The following JAKMIP2 variants were observed in gnomAD, a reference collection of about 807,000 sequenced individuals.
JAKMIP2 encodes the protein janus kinase and microtubule-interacting protein 2.
In JAKMIP2, 25 loss-of-function variants were observed where a neutral mutation model predicts 115.0. The ratio of observed to expected loss-of-function variants is 0.22; its 90% CI spans 0.16 to 0.30. JAKMIP2 has a LOEUF of 0.30. JAKMIP2 is among the 10% of genes least tolerant of loss of function. JAKMIP2 has a pLI of 1.00. For missense variants in JAKMIP2, 642 were observed against 957.6 expected (o/e 0.67, Z 4.35); for synonymous variants, 334 against 343.6 (o/e 0.97, Z 0.31).
At chr5:147,635,716 C>A (rs1757582084) in intron 12 of JAKMIP2, among the ~76,000 whole-genome samples, 1 of 152,132 alleles carries the variant, frequency 6.6e-6, no homozygotes, top group South Asian at 2.1e-4. Flanking sequence ...CATGTGCCAC[C>A]ACATCTGCCT....
chr5:147,653,790 C>T (rs7709287), intron 3 of JAKMIP2, among the ~76,000 whole-genome samples: 38,391 of 152,054 alleles, frequency 0.25, 6,122 homozygotes, highest in East Asian at 0.46. Flanking sequence ...TTGCCCATGC[C>T]TATGTCCTGA....
intron 1 of JAKMIP2, among the ~76,000 whole-genome samples, chr5:147,773,682 G>C (rs1561587633): frequency 2.0e-5 from 3 of 152,136 alleles, no homozygotes; most frequent in Admixed American, 6.6e-5. Context: ...AAGAGTGTTA[G>C]TATGAATCAG....
chr5:147,691,657 C>A (rs749000636), intron 1 of JAKMIP2, among the ~76,000 whole-genome samples: 1 of 152,160 alleles, frequency 6.6e-6, no homozygotes, highest in African/African-American at 2.4e-5. Context: ...TTCTTTACCA[C>A]ATAGACTTTC....
chr5:147,687,608 T>G (rs17107200), intron 1 of JAKMIP2, among the ~76,000 whole-genome samples: 16,545 of 152,240 alleles, frequency 0.11, 944 homozygotes, highest in Middle Eastern at 0.17. Flanking sequence ...AGCTTGGAGT[T>G]GCAGGTAACA....
chr5:147,644,254 T>G, intron 6 of JAKMIP2, 56 bp from the exon 7 acceptor site: 2 of 1,429,078 alleles, frequency 1.4e-6, no homozygotes, highest in Non-Finnish European at 1.9e-6. Context: ...CAAACTTTGG[T>G]TGTTAACATA....
At chr5:147,708,899 C>T (rs1306971912) in intron 1 of JAKMIP2, among the ~76,000 whole-genome samples, 1 of 152,186 alleles carries the variant, frequency 6.6e-6, no homozygotes, top group African/African-American at 2.4e-5. Flanking sequence ...CATTACACAC[C>T]ATGGCAAGTT....
intron 21 of JAKMIP2, among the ~76,000 whole-genome samples, chr5:147,593,778 A>G (rs1281795292): frequency 6.6e-6 from 1 of 152,210 alleles, no homozygotes; most frequent in Non-Finnish European, 1.5e-5. Flanking sequence ...TTTACATTCC[A>G]CTGGGATGAG....
rs899851027 is a variant in JAKMIP2, at chr5:147,590,179, A to G, written c.*1528T>C. The G allele has an allele frequency of 6.6e-6, 1 of 152,220 alleles. No individual in the cohort carries two copies. The highest frequency in any genetic ancestry group is 1.5e-5 in the Non-Finnish European group (1 of 68,054). 9.4% of individuals were successfully genotyped at this position (152,220 alleles called of 1,614,324 possible). A position where few individuals can be genotyped will look rare whatever the true frequency, so the allele number is the denominator to read the frequency against. ...AACTGAAGGATGATAGTGAACCCAC[A>G]TATGGAAAGATTTGTATAGCATTTC... On this transcript the variant is annotated 3_prime_UTR_variant, in exon 22 of 22. Transcript: ENST00000616793.
chr5:147,715,477 T>C (rs1580822405), intron 1 of JAKMIP2, among the ~76,000 whole-genome samples: 1 of 151,018 alleles, frequency 6.6e-6, no homozygotes, highest in African/African-American at 2.4e-5. Context: ...ATATTCATGT[T>C]ACTATATTAT....
intron 5 of JAKMIP2, among the ~76,000 whole-genome samples, chr5:147,647,854 C>A (rs1252595300): frequency 6.6e-6 from 1 of 152,108 alleles, no homozygotes; most frequent in Non-Finnish European, 1.5e-5. Context: ...CATGTAGAAG[C>A]ACTGTTCTTC....
intron 17 of JAKMIP2, among the ~76,000 whole-genome samples, chr5:147,623,224 C>CTTT (rs199676287): frequency 0.046 from 6,330 of 138,670 alleles, 485 homozygotes; most frequent in African/African-American, 0.16. Context: ...TTGTTCTACT[C>CTTT]TTTTTTTTTT....
intron 1 of JAKMIP2, among the ~76,000 whole-genome samples, chr5:147,681,097 A>G (rs1760242723): frequency 6.6e-6 from 1 of 152,198 alleles, no homozygotes; most frequent in Non-Finnish European, 1.5e-5. Flanking sequence ...AAAGAATGCT[A>G]TATAAATATA....
chr5:147,638,491 C>T (rs1757726755), intron 10 of JAKMIP2, among the ~76,000 whole-genome samples: 1 of 152,202 alleles, frequency 6.6e-6, no homozygotes. Flanking sequence ...AGGCACATTC[C>T]TTTGTAATGA....
At chr5:147,628,941 A>G in intron 15 of JAKMIP2, 125 bp from the exon 16 acceptor site, 1 of 618,822 alleles carries the variant, frequency 1.6e-6, no homozygotes, top group African/African-American at 1.8e-5. Context: ...ACAAATTCCT[A>G]TTCTGTTTAG....
intron 1 of JAKMIP2, among the ~76,000 whole-genome samples, chr5:147,736,023 A>G (rs1337165501): frequency 6.6e-6 from 1 of 151,834 alleles, no homozygotes; most frequent in Non-Finnish European, 1.5e-5. Context: ...CAGATTAAAT[A>G]AGGCAATGCC....
At chr5:147,632,466 T>C (rs923607405) in intron 13 of JAKMIP2, among the ~76,000 whole-genome samples, 52 of 152,176 alleles carry the variant, frequency 3.4e-4, no homozygotes, top group African/African-American at 1.3e-3. Flanking sequence ...GTAGACAGTT[T>C]TGAGTTGCAT....
intron 1 of JAKMIP2, among the ~76,000 whole-genome samples, chr5:147,741,054 C>A (rs1436657793): frequency 6.6e-6 from 1 of 152,156 alleles, no homozygotes; most frequent in Non-Finnish European, 1.5e-5. Context: ...GTACAGAGAT[C>A]ATCCCTGTCC....
At chr5:147,710,398 G>A (rs1752732883) in intron 1 of JAKMIP2, among the ~76,000 whole-genome samples, 1 of 152,092 alleles carries the variant, frequency 6.6e-6, no homozygotes, top group Non-Finnish European at 1.5e-5. Flanking sequence ...CTAAAATCAG[G>A]AGGTATAAAT....
Position 147,662,418 on chromosome 5 carries a change from T to C in JAKMIP2, c.130-973A>G, listed in dbSNP as rs374653457. The stretch of plus-strand genomic sequence containing the variant: ...CAGGAATTCCGGTTTAAAACTATTC[T>C]ATGTTTTGCTAAATTTCCTGTGATA... On this transcript the variant is annotated intron_variant, in intron 2 of 21. Coordinates refer to ENST00000616793, the MANE Select transcript of JAKMIP2 (RefSeq NM_001270941.2). 1.7e-3 allele frequency among the ~76,000 whole-genome samples: 257 copies of C among 152,318 alleles called. 1 individual carries two copies. Among genetic ancestry groups the C allele is most frequent in the African/African-American group, 6.1e-3 (252 of 41,558 alleles).
Sources: gnomAD v4.1 joint callset for allele counts (sites outside exome capture counted in the v4.1 genomes callset) on GRCh38, gnomAD v4.1.1 for gene constraint, MANE v1.5 for transcripts, NCBI Gene and HGNC (gene_info 2026-07-23, HGNC 2026-07-21) for gene names.